NRXN3: variants seen among roughly 807,000 people sequenced by gnomAD.
NRXN3 encodes the protein neurexin III.
Under a neutral mutation model 137.6 loss-of-function variants are expected in NRXN3, and 32 were observed. The observed-to-expected ratio is 0.23, with a 90% CI of 0.18 to 0.31. The LOEUF is 0.31. Ranked by LOEUF, NRXN3 falls within the 10% of genes least tolerant of loss-of-function variation. The probability of loss-of-function intolerance (pLI) is 1.00; values close to 1 mark genes in which losing one functional copy is unlikely to be tolerated. For missense variants in NRXN3, 1,574 were observed against 2,062.5 expected, an observed-to-expected ratio of 0.76 and a Z score of 4.59; for synonymous variants, 798 against 784.5, an observed-to-expected ratio of 1.02 and a Z score of -0.29.
At chr14:79,086,558 TACTC>T (rs777516636) in intron 15 of NRXN3, among the ~76,000 whole-genome samples, 4 of 152,162 alleles carry the variant, frequency 2.6e-5, no homozygotes, top group Non-Finnish European at 5.9e-5. Context: ...TAGAGATTAT[TACTC>T]AGTTGACCAC....
chr14:78,899,293 A>G (rs939608200), intron 10 of NRXN3, among the ~76,000 whole-genome samples: 1 of 151,966 alleles, frequency 6.6e-6, no homozygotes, highest in African/African-American at 2.4e-5. Flanking sequence ...ATGAAATAGA[A>G]TCTATCACAT....
intron 16 of NRXN3, among the ~76,000 whole-genome samples, chr14:79,616,968 T>C (rs774165913): frequency 2.6e-5 from 4 of 152,162 alleles, no homozygotes; most frequent in Non-Finnish European, 5.9e-5. Context: ...TCTTCCTTCC[T>C]GGGAGAGAAT....
At chr14:79,131,205 G>T (rs2057415267) in intron 15 of NRXN3, among the ~76,000 whole-genome samples, 1 of 152,190 alleles carries the variant, frequency 6.6e-6, no homozygotes, top group African/African-American at 2.4e-5. Flanking sequence ...GTCCAGCTTT[G>T]TTCCATTGCT....
At chr14:79,624,443 A>G (rs973944266) in intron 16 of NRXN3, among the ~76,000 whole-genome samples, 4 of 151,864 alleles carry the variant, frequency 2.6e-5, no homozygotes, top group African/African-American at 7.3e-5. Context: ...ATATATGTAT[A>G]TATATATATA....
In NRXN3 at chr14:79,644,400, A is replaced by G. The variant is rs533849556; in HGVS notation, c.3445-19378A>G. On this transcript the variant is annotated intron_variant, in intron 16 of 20. Transcript: ENST00000335750. ...AGAAGAAGGTTTGGGGATGCATATAATGAGAGCAGAGAACTGGATAAAGAG... is the reference window on the plus strand; with the variant it reads ...AGAAGAAGGTTTGGGGATGCATATAGTGAGAGCAGAGAACTGGATAAAGAG... 3.1e-4 allele frequency among the ~76,000 whole-genome samples: 42 copies of G among 135,964 alleles called. 8 individuals carry two copies. Among genetic ancestry groups the G allele is most frequent in the Admixed American group, 2.3e-3 (30 of 12,878 alleles). 89.2% of individuals were successfully genotyped at this position (135,964 alleles called of 152,430 possible).
intron 4 of NRXN3, among the ~76,000 whole-genome samples, chr14:78,333,817 G>A (rs1462983975): frequency 6.6e-6 from 1 of 152,156 alleles, no homozygotes; most frequent in Non-Finnish European, 1.5e-5. Context: ...AGGGTTCTGT[G>A]TAGAGAATCT....
intron 15 of NRXN3, among the ~76,000 whole-genome samples, chr14:79,453,913 G>C (rs2096217247): frequency 6.6e-6 from 1 of 152,010 alleles, no homozygotes; most frequent in African/African-American, 2.4e-5. Flanking sequence ...TCTCGTGTCT[G>C]GGGTATTGCA....
At chr14:78,190,454 T>A (rs992550995) in intron 1 of NRXN3, among the ~76,000 whole-genome samples, 14 of 152,178 alleles carry the variant, frequency 9.2e-5, no homozygotes, top group Non-Finnish European at 1.5e-4. Flanking sequence ...GGCTTTCCTC[T>A]AAGTCACAGA....
At chr14:78,823,323 G>A (rs954083397) in intron 10 of NRXN3, among the ~76,000 whole-genome samples, 1 of 151,908 alleles carries the variant, frequency 6.6e-6, no homozygotes, top group East Asian at 1.9e-4. Context: ...TGCAATCCCC[G>A]AGGCTCTTCT....
At chr14:79,711,863 G>T (rs547614839) in intron 19 of NRXN3, among the ~76,000 whole-genome samples, 1 of 152,270 alleles carries the variant, frequency 6.6e-6, no homozygotes, top group South Asian at 2.1e-4. Flanking sequence ...TGGAGCTGGG[G>T]GGATCTATCA....
chr14:78,648,056 AT>A (rs1566968863), intron 5 of NRXN3, among the ~76,000 whole-genome samples: 4 of 152,194 alleles, frequency 2.6e-5, no homozygotes, highest in African/African-American at 9.7e-5. Flanking sequence ...TTCCTTCATG[AT>A]CATCTATTCA....
chr14:79,181,160 A>G (rs1416062632), intron 15 of NRXN3, among the ~76,000 whole-genome samples: 1 of 152,020 alleles, frequency 6.6e-6, no homozygotes, highest in Non-Finnish European at 1.5e-5. Flanking sequence ...TAAATAGGTC[A>G]GTGGAAGACT....
At chr14:78,566,001 AT>A (rs1019865308) in intron 4 of NRXN3, among the ~76,000 whole-genome samples, 1 of 152,066 alleles carries the variant, frequency 6.6e-6, no homozygotes, top group Admixed American at 6.5e-5. Context: ...TCCCTTTAAC[AT>A]TTCTGAACGT....
At chr14:79,095,978 A>T (rs1485363012) in intron 15 of NRXN3, among the ~76,000 whole-genome samples, 1 of 152,034 alleles carries the variant, frequency 6.6e-6, no homozygotes, top group Non-Finnish European at 1.5e-5. Context: ...AAATTTTAAA[A>T]ATTTTTTACC....
At position 78,323,464 on chromosome 14, in the gene NRXN3, C is replaced by A. The variant is rs146141948; in HGVS notation, c.757+25604C>A. Among the ~76,000 whole-genome samples, 109 of 152,138 alleles carry A rather than the reference C, an allele frequency of 7.2e-4. 1 individual carries two copies. In the Middle Eastern group the frequency reaches 0.024, roughly 33 times the overall value. ...GAAGGGGGATTTAACCCCTGCCGTG[C>A]CTGCCCCAGGTTTGTTGGGAAATTA... On this transcript the variant is annotated intron_variant, in intron 4 of 20. Coordinates refer to ENST00000335750, the MANE Select transcript of NRXN3 (RefSeq NM_001330195.2).
intron 4 of NRXN3, among the ~76,000 whole-genome samples, chr14:78,635,119 G>A (rs2097556509): frequency 6.6e-6 from 1 of 152,060 alleles, no homozygotes; most frequent in African/African-American, 2.4e-5. Flanking sequence ...TTAAAGGTGG[G>A]GAGTTTTACC....
chr14:78,845,112 A>G (rs560364419), intron 10 of NRXN3, among the ~76,000 whole-genome samples: 2 of 152,212 alleles, frequency 1.3e-5, no homozygotes, highest in Admixed American at 6.5e-5. Flanking sequence ...AAATATAAAG[A>G]GTAGTATAGA....
intron 15 of NRXN3, among the ~76,000 whole-genome samples, chr14:79,105,931 T>C (rs773250688): frequency 6.6e-6 from 1 of 152,146 alleles, no homozygotes; most frequent in Non-Finnish European, 1.5e-5. Context: ...TTACTACTAC[T>C]ACTTTTCTGA....
chr14:78,823,625 T>C (rs1032434561), intron 10 of NRXN3, among the ~76,000 whole-genome samples: 2 of 152,218 alleles, frequency 1.3e-5, no homozygotes, highest in Admixed American at 1.3e-4. Flanking sequence ...GCCTGCAGGC[T>C]GGCCATCCCA....
Sources: gnomAD v4.1 joint callset for allele counts (sites outside exome capture counted in the v4.1 genomes callset) on GRCh38, gnomAD v4.1.1 for gene constraint, MANE v1.5 for transcripts, NCBI Gene and HGNC (gene_info 2026-07-23, HGNC 2026-07-21) for gene names.